AGBL1: variants seen among roughly 807,000 people sequenced by gnomAD.
AGBL1 encodes the protein cytosolic carboxypeptidase 4.
A neutral mutation model predicts 118.9 loss-of-function variants in AGBL1; 130 were observed. That is an observed-to-expected ratio of 1.09 (90% CI 0.95 to 1.26). The LOEUF (loss-of-function observed/expected upper bound fraction) is 1.26, where lower values mean the gene tolerates loss of function less well. Ranked by LOEUF, AGBL1 falls within the 50% of genes most tolerant of loss-of-function variation. AGBL1 has a pLI of 0.00. For missense variants in AGBL1, 1,584 were observed against 1,298.1 expected (o/e 1.22, Z -3.38); for synonymous variants, 555 against 478.9 (o/e 1.16, Z -2.08).
intron 21 of AGBL1, among the ~76,000 whole-genome samples, chr15:86,563,565 A>ATATGATCAGTTT (rs145078715): frequency 6.7e-6 from 1 of 148,444 alleles, no homozygotes; most frequent in Non-Finnish European, 1.5e-5. Context: ...ACTTCCAACT[A>ATATGATCAGTTT]TGGACTAAGT....
At chr15:86,747,606 C>G (rs2077776084) in intron 22 of AGBL1, among the ~76,000 whole-genome samples, 1 of 152,072 alleles carries the variant, frequency 6.6e-6, no homozygotes, top group Non-Finnish European at 1.5e-5. Flanking sequence ...TTGGGTGTAT[C>G]TCCTAATGCT....
intron 5 of AGBL1, among the ~76,000 whole-genome samples, chr15:86,223,269 A>G (rs978319623): frequency 1.3e-5 from 2 of 152,168 alleles, no homozygotes; most frequent in African/African-American, 4.8e-5. Flanking sequence ...TGCGATCCTT[A>G]GAGACCTGGC....
chr15:86,511,469 G>A (rs1826977456), intron 18 of AGBL1, among the ~76,000 whole-genome samples: 1 of 151,974 alleles, frequency 6.6e-6, no homozygotes, highest in South Asian at 2.1e-4. Flanking sequence ...TAATTAGATG[G>A]TTAGGACATT....
intron 22 of AGBL1, among the ~76,000 whole-genome samples, chr15:86,748,942 A>G (rs562077777): frequency 7.9e-5 from 12 of 151,892 alleles, no homozygotes; most frequent in Admixed American, 2.6e-4. Context: ...GTCAGGTAGC[A>G]TGGTGCCTCC....
intron 5 of AGBL1, among the ~76,000 whole-genome samples, chr15:86,205,497 TAA>T (rs201616350): frequency 6.6e-6 from 1 of 152,148 alleles, no homozygotes; most frequent in African/African-American, 2.4e-5. Context: ...GATTGTATAA[TAA>T]AAGTTTGTTT....
chr15:86,869,868 T>C (rs1185784987), intron 22 of AGBL1, among the ~76,000 whole-genome samples: 1 of 152,166 alleles, frequency 6.6e-6, no homozygotes, highest in Non-Finnish European at 1.5e-5. Context: ...AATTCTCATT[T>C]TCCTAGGAAG....
chr15:86,163,953 C>T (rs2077302193), intron 5 of AGBL1, among the ~76,000 whole-genome samples: 1 of 152,160 alleles, frequency 6.6e-6, no homozygotes, highest in Non-Finnish European at 1.5e-5. Context: ...AGTTGGCACA[C>T]CTCCCAAGAG....
At chr15:86,870,773 T>C (rs544404058) in intron 22 of AGBL1, among the ~76,000 whole-genome samples, 1 of 152,334 alleles carries the variant, frequency 6.6e-6, no homozygotes, top group East Asian at 1.9e-4. Context: ...ACGGGCTTGC[T>C]GGTGCTGTCT....
chr15:86,820,128 T>C (rs959284535), intron 22 of AGBL1, among the ~76,000 whole-genome samples: 7 of 152,186 alleles, frequency 4.6e-5, no homozygotes, highest in Admixed American at 3.9e-4. Context: ...TTACACCTTA[T>C]ACAAAAATTA....
chr15:87,006,796 G>C (rs1362418301), intron 24 of AGBL1, among the ~76,000 whole-genome samples: 1 of 152,142 alleles, frequency 6.6e-6, no homozygotes, highest in Non-Finnish European at 1.5e-5. Flanking sequence ...GACTGGAGCT[G>C]TTGCTATTCA....
At chr15:86,272,379 A>G (rs2079175519) in intron 15 of AGBL1, among the ~76,000 whole-genome samples, 1 of 152,226 alleles carries the variant, frequency 6.6e-6, no homozygotes, top group Non-Finnish European at 1.5e-5. Flanking sequence ...TTTATAAGAA[A>G]ATAAGGATAG....
At chr15:86,088,425 C>A (rs1193729811) in intron 1 of AGBL1, 1 of 152,230 alleles carries the variant, frequency 6.6e-6, no homozygotes, top group Non-Finnish European at 1.5e-5. Flanking sequence ...TCCTGAGACT[C>A]CGGCTGCTGC....
intron 21 of AGBL1, among the ~76,000 whole-genome samples, chr15:86,622,441 A>C (rs1280582879): frequency 6.6e-6 from 1 of 152,208 alleles, no homozygotes; most frequent in Non-Finnish European, 1.5e-5. Flanking sequence ...ACTGACCAAA[A>C]GAGACCAGTG....
At chr15:86,230,967 T>A (rs2078446096) in intron 6 of AGBL1, among the ~76,000 whole-genome samples, 1 of 152,144 alleles carries the variant, frequency 6.6e-6, no homozygotes, top group Non-Finnish European at 1.5e-5. Context: ...CCATCCCCCT[T>A]ATTTTCACAG....
intron 17 of AGBL1, among the ~76,000 whole-genome samples, chr15:86,320,679 C>T (rs1181345177): frequency 6.6e-6 from 1 of 151,706 alleles, no homozygotes; most frequent in East Asian, 1.9e-4. Context: ...ATGCTCTTAA[C>T]GTCTTACTAT....
chr15:86,203,342 C>T (rs1038967966), intron 5 of AGBL1, among the ~76,000 whole-genome samples: 1 of 152,124 alleles, frequency 6.6e-6, no homozygotes, highest in African/African-American at 2.4e-5. Context: ...GCTACCCTAC[C>T]AAAAATATAT....
intron 22 of AGBL1, among the ~76,000 whole-genome samples, chr15:86,869,382 G>A (rs895064699): frequency 6.6e-5 from 10 of 151,996 alleles, no homozygotes; most frequent in East Asian, 3.9e-4. Flanking sequence ...CCTCAGAGCC[G>A]CTCAACATCC....
intron 1 of AGBL1, among the ~76,000 whole-genome samples, chr15:86,114,124 G>A (rs1463954050): frequency 6.6e-6 from 1 of 152,216 alleles, no homozygotes; most frequent in South Asian, 2.1e-4. Flanking sequence ...GTCTGAAATG[G>A]AAATCCAATA....
chr15:86,497,779 T>C (rs190327680), intron 18 of AGBL1, among the ~76,000 whole-genome samples: 16 of 152,084 alleles, frequency 1.1e-4, no homozygotes, highest in Admixed American at 9.8e-4. Context: ...AGCTACCTGG[T>C]GCACCCAGTT....
Sources: allele counts gnomAD v4.1 joint callset (sites outside exome capture counted in the v4.1 genomes callset), GRCh38; gene constraint gnomAD v4.1.1; transcripts MANE v1.5; gene names NCBI Gene and HGNC (gene_info 2026-07-23, HGNC 2026-07-21).